The following PRKCE variants were observed in gnomAD, a reference collection of about 807,000 sequenced individuals.
PRKCE encodes the protein protein kinase C epsilon.
PRKCE carries 16 observed loss-of-function variants against 85.4 expected under a neutral mutation model. That is an observed-to-expected ratio of 0.19 (90% confidence interval 0.13 to 0.28). PRKCE has a LOEUF of 0.28. Ranked by LOEUF, PRKCE falls within the 10% of genes least tolerant of loss-of-function variation. The pLI is 1.00. For synonymous variants in PRKCE, 388 were observed against 371.5 expected, an observed-to-expected ratio of 1.04 and a Z score of -0.51; for missense variants, 573 against 975.2, an observed-to-expected ratio of 0.59 and a Z score of 5.49.
intron 11 of PRKCE, among the ~76,000 whole-genome samples, chr2:46,115,120 C>A (rs946774467): frequency 2.6e-5 from 4 of 152,156 alleles, no homozygotes; most frequent in Non-Finnish European, 5.9e-5. Flanking sequence ...TGTAGCGCAA[C>A]CGTCAGTTCT....
chr2:45,851,430 G>C (rs888514285), intron 2 of PRKCE, among the ~76,000 whole-genome samples: 1 of 152,162 alleles, frequency 6.6e-6, no homozygotes, highest in African/African-American at 2.4e-5. Context: ...CATTCAAGTG[G>C]ATATGCTTGT....
intron 2 of PRKCE, among the ~76,000 whole-genome samples, chr2:45,951,822 C>G (rs1315784120): frequency 1.3e-5 from 2 of 152,106 alleles, no homozygotes; most frequent in East Asian, 3.9e-4. Flanking sequence ...GACTCTCAGA[C>G]TCTTTTGTTT....
At chr2:45,677,448 C>G (rs1247721225) in intron 1 of PRKCE, among the ~76,000 whole-genome samples, 7 of 151,464 alleles carry the variant, frequency 4.6e-5, no homozygotes, top group Non-Finnish European at 1.0e-4. Context: ...GCTCCGCTTC[C>G]CGGGTTCCCG....
At chr2:45,806,874 G>C (rs1688283795) in intron 1 of PRKCE, among the ~76,000 whole-genome samples, 1 of 152,200 alleles carries the variant, frequency 6.6e-6, no homozygotes, top group South Asian at 2.1e-4. Context: ...GCCTGGGAAG[G>C]TAGGGTCCGG....
intron 1 of PRKCE, among the ~76,000 whole-genome samples, chr2:45,776,089 T>C (rs1269036525): frequency 6.6e-6 from 1 of 152,242 alleles, no homozygotes; most frequent in Non-Finnish European, 1.5e-5. Context: ...TGCTATTTAT[T>C]CTGTAGTGCA....
chr2:45,988,717 G>A (rs1032909049), intron 6 of PRKCE, among the ~76,000 whole-genome samples: 2 of 152,138 alleles, frequency 1.3e-5, no homozygotes, highest in African/African-American at 4.8e-5. Flanking sequence ...ACTCATTCGT[G>A]GGTCTGTCCG....
At chr2:45,780,204 A>G (rs956463251) in intron 1 of PRKCE, among the ~76,000 whole-genome samples, 2 of 152,272 alleles carry the variant, frequency 1.3e-5, no homozygotes, top group East Asian at 1.9e-4. Context: ...ATGTGCTTGA[A>G]TGATGATTCA....
At chr2:45,768,674 T>C (rs966142258) in intron 1 of PRKCE, among the ~76,000 whole-genome samples, 3 of 152,238 alleles carry the variant, frequency 2.0e-5, no homozygotes, top group Non-Finnish European at 4.4e-5. Flanking sequence ...TGCTGTTTTC[T>C]TTCTCTGTTT....
At position 45,724,926 on chromosome 2, in the gene PRKCE, C is replaced by T. The variant is rs545345151; in HGVS notation, c.348+72478C>T. ...GCAGCAAGTGCTGATGGAGAAGCTG[C>T]AGCAGGTTACCCAGAAGATCTAGCT... is the stretch of plus-strand genomic sequence containing the variant. On this transcript the variant is annotated intron_variant, in intron 1 of 14. Transcript: ENST00000306156. Among the ~76,000 whole-genome samples the T allele has an allele frequency of 2.0e-5, 3 of 152,224 alleles. No homozygotes were observed. In the South Asian group the frequency reaches 6.2e-4, roughly 32 times the overall value.
At chr2:46,168,639 G>A (rs773694560) in intron 14 of PRKCE, among the ~76,000 whole-genome samples, 1 of 152,182 alleles carries the variant, frequency 6.6e-6, no homozygotes, top group African/African-American at 2.4e-5. Flanking sequence ...GAAAAGCTTC[G>A]ATGGCAGAAG....
At chr2:45,710,491 C>G (rs939870362) in intron 1 of PRKCE, among the ~76,000 whole-genome samples, 1 of 152,184 alleles carries the variant, frequency 6.6e-6, no homozygotes, top group African/African-American at 2.4e-5. Context: ...CTCAGTGGAA[C>G]CCTGGAGTGT....
At chr2:46,164,984 C>T (rs1376935450) in intron 14 of PRKCE, 2 of 152,318 alleles carry the variant, frequency 1.3e-5, no homozygotes, top group African/African-American at 4.8e-5. Context: ...GGTTCCATCA[C>T]ATACCTCAGT....
chr2:46,167,156 T>C (rs763161753), intron 14 of PRKCE, among the ~76,000 whole-genome samples: 2 of 152,146 alleles, frequency 1.3e-5, no homozygotes, highest in African/African-American at 2.4e-5. Flanking sequence ...TGCAGGAGGT[T>C]GGTGTGATGT....
rs887928105 is a variant in PRKCE, at chr2:45,917,829, C to T, written c.413-58600C>T. On this transcript the variant is annotated intron_variant, in intron 2 of 14. Transcript: ENST00000306156. Reference sequence around the variant, plus strand: ...CGAGCCCTGCCCCGCGGGAAGGCAGCTAAGGCCCGGCGAGAAATCGAGCGC... The same window carrying T: ...CGAGCCCTGCCCCGCGGGAAGGCAGTTAAGGCCCGGCGAGAAATCGAGCGC... 5.3e-4 allele frequency among the ~76,000 whole-genome samples: 81 copies of T among 152,346 alleles called. 1 individual carries two copies. Among genetic ancestry groups the T allele is most frequent in the Middle Eastern group, 3.4e-3 (1 of 292 alleles).
intron 10 of PRKCE, among the ~76,000 whole-genome samples, chr2:46,019,648 A>G (rs1230947513): frequency 1.3e-5 from 2 of 152,178 alleles, no homozygotes; most frequent in Non-Finnish European, 2.9e-5. Context: ...TCTTCTTTAT[A>G]CCAATTAGCC....
intron 2 of PRKCE, among the ~76,000 whole-genome samples, chr2:45,918,629 C>A (rs1463840172): frequency 6.6e-6 from 1 of 152,186 alleles, no homozygotes; most frequent in Non-Finnish European, 1.5e-5. Flanking sequence ...CAACCCAAAT[C>A]TCTGAAGCTT....
intron 1 of PRKCE, among the ~76,000 whole-genome samples, chr2:45,784,596 T>C (rs1308188325): frequency 6.6e-6 from 1 of 152,142 alleles, no homozygotes; most frequent in African/African-American, 2.4e-5. Flanking sequence ...TAGAGAAGAT[T>C]TTAGATAAAG....
intron 10 of PRKCE, among the ~76,000 whole-genome samples, chr2:46,071,958 G>C (rs537849132): frequency 1.3e-5 from 2 of 152,108 alleles, no homozygotes; most frequent in African/African-American, 4.8e-5. Context: ...GTCTGCGCTC[G>C]TGTATTTTAA....
At chr2:46,024,357 G>A (rs760466444) in intron 10 of PRKCE, among the ~76,000 whole-genome samples, 47 of 135,080 alleles carry the variant, frequency 3.5e-4, no homozygotes, top group Non-Finnish European at 6.9e-4. Context: ...CTCCACTTTT[G>A]ACCTCATTGG....
Sources: allele counts gnomAD v4.1 joint callset (sites outside exome capture counted in the v4.1 genomes callset), GRCh38; gene constraint gnomAD v4.1.1; transcripts MANE v1.5; gene names NCBI Gene and HGNC (gene_info 2026-07-23, HGNC 2026-07-21).